ACBD6: variants seen among roughly 807,000 people sequenced by gnomAD.
ACBD6 encodes acyl-CoA-binding domain-containing protein 6.
A neutral mutation model predicts 37.2 loss-of-function variants in ACBD6; 28 were observed. That is an observed-to-expected ratio of 0.75 (90% CI 0.56 to 1.03). ACBD6 has a LOEUF of 1.03. Among genes scored for constraint, ACBD6 ranks in the 50% least tolerant of loss-of-function variants. The pLI, the probability that ACBD6 is intolerant of heterozygous loss-of-function variation, is 0.00. For synonymous variants in ACBD6, 113 were observed against 126.8 expected (o/e 0.89, Z 0.73); for missense variants, 340 against 337.4 (o/e 1.01, Z -0.06).
intron 2 of ACBD6, among the ~76,000 whole-genome samples, chr1:180,494,165 C>T (rs1204268436): frequency 6.6e-6 from 1 of 152,086 alleles, no homozygotes; most frequent in Non-Finnish European, 1.5e-5. Flanking sequence ...CAAAAATTTT[C>T]CTCAATAGTT....
At chr1:180,381,062 G>GTAGCTATACTT (rs1174546040) in intron 6 of ACBD6, among the ~76,000 whole-genome samples, 2 of 152,036 alleles carry the variant, frequency 1.3e-5, no homozygotes, top group African/African-American at 4.8e-5. Context: ...GCAAGCAGGA[G>GTAGCTATACTT]TAGCTATACT....
At chr1:180,375,491 A>C (rs1046718428) in intron 6 of ACBD6, among the ~76,000 whole-genome samples, 1 of 152,116 alleles carries the variant, frequency 6.6e-6, no homozygotes, top group African/African-American at 2.4e-5. Flanking sequence ...ATGCCTGGCT[A>C]ATTTTTTTGT....
At chr1:180,468,655 T>G (rs1650444546) in intron 3 of ACBD6, among the ~76,000 whole-genome samples, 1 of 152,196 alleles carries the variant, frequency 6.6e-6, no homozygotes, top group Non-Finnish European at 1.5e-5. Flanking sequence ...TGTCTCACCC[T>G]TCCATTATGA....
At chr1:180,480,798 A>C (rs1406005970) in intron 3 of ACBD6, among the ~76,000 whole-genome samples, 2 of 152,152 alleles carry the variant, frequency 1.3e-5, no homozygotes, top group African/African-American at 2.4e-5. Flanking sequence ...TGGGAGGCCG[A>C]GGTGGGTGGA....
chr1:180,329,098 C>A (rs1461574920), intron 6 of ACBD6, among the ~76,000 whole-genome samples: 1 of 152,140 alleles, frequency 6.6e-6, no homozygotes, highest in Non-Finnish European at 1.5e-5. Flanking sequence ...ATATGGAGAA[C>A]ATGGACAATG....
At chr1:180,381,571 A>C (rs1653648225) in intron 6 of ACBD6, among the ~76,000 whole-genome samples, 1 of 152,250 alleles carries the variant, frequency 6.6e-6, no homozygotes, top group South Asian at 2.1e-4. Flanking sequence ...GGAACTTTGG[A>C]AACTGTATAA....
At position 180,397,609 on chromosome 1, in the gene ACBD6, A is replaced by G. The variant is rs373329290; in HGVS notation, c.574-4T>C. On this transcript the variant is annotated splice_polypyrimidine_tract_variant and splice_region_variant and intron_variant, in intron 5 of 7. Transcript: ENST00000367595. The stretch of plus-strand genomic sequence containing the variant: ...CCCAGTGAAGTAGAGCCCTACCCTA[A>G]AAACACAGAAGATAAATGAATTTGT... 7 of 1,609,420 alleles carry G rather than the reference A, an allele frequency of 4.3e-6. No homozygotes were observed. The African/African-American group carries it at 9.4e-5, about 22-fold the overall frequency.
At chr1:180,485,949 A>G (rs1651247272) in intron 3 of ACBD6, among the ~76,000 whole-genome samples, 1 of 152,166 alleles carries the variant, frequency 6.6e-6, no homozygotes, top group Non-Finnish European at 1.5e-5. Context: ...GTAGCAAAAA[A>G]AAAAAAAATG....
intron 5 of ACBD6, among the ~76,000 whole-genome samples, chr1:180,406,312 T>A (rs1201264846): frequency 6.6e-6 from 1 of 152,108 alleles, no homozygotes; most frequent in Non-Finnish European, 1.5e-5. Flanking sequence ...AAGTCTGAAA[T>A]CCAAAGTGCT....
chr1:180,295,302 GCT>G (rs1649875861), intron 7 of ACBD6, among the ~76,000 whole-genome samples: 2 of 140,856 alleles, frequency 1.4e-5, no homozygotes, highest in East Asian at 4.1e-4. Context: ...GCGGAGTCTT[GCT>G]CTGTCGCCCA....
chr1:180,474,002 T>C (rs1416233589), intron 3 of ACBD6, among the ~76,000 whole-genome samples: 1 of 152,188 alleles, frequency 6.6e-6, no homozygotes, highest in Non-Finnish European at 1.5e-5. Context: ...TTATACATAA[T>C]AGGGTTAAAA....
At chr1:180,426,951 C>T (rs559114789) in intron 4 of ACBD6, among the ~76,000 whole-genome samples, 3 of 152,242 alleles carry the variant, frequency 2.0e-5, no homozygotes, top group South Asian at 4.1e-4. Context: ...CCCCTACACC[C>T]CCTCAATTAT....
At chr1:180,472,264 T>C (rs1200534400) in intron 3 of ACBD6, among the ~76,000 whole-genome samples, 1 of 152,208 alleles carries the variant, frequency 6.6e-6, no homozygotes, top group Non-Finnish European at 1.5e-5. Context: ...AGAGTTGATG[T>C]GTAACGTTTA....
intron 9 of ACBD6, chr1:180,278,790 G>GTT (rs1649197415): frequency 2.0e-5 from 3 of 150,532 alleles, no homozygotes; most frequent in Admixed American, 1.3e-4. Flanking sequence ...ATTTTGTACA[G>GTT]TTAAAGAGAA....
rs190780265 is a variant in ACBD6, at chr1:180,435,741, C to A, written c.385-5479G>T. The A allele has an allele frequency of 1.2e-5, 10 of 842,984 alleles. No individual in the cohort carries two copies. In the Admixed American group the frequency reaches 1.2e-4, roughly 10 times the overall value. 52.2% of individuals were successfully genotyped at this position (842,984 alleles called of 1,614,324 possible). A position where few individuals can be genotyped will look rare whatever the true frequency, so the allele number is the denominator to read the frequency against. On this transcript the variant is annotated intron_variant, in intron 3 of 7. Transcript: ENST00000367595. ...GCCTGGACAGCAGGAAACAGTAACACGCACTTCAGAATAGCAGCCAAGTAT... is the reference window on the plus strand; with the variant it reads ...GCCTGGACAGCAGGAAACAGTAACAAGCACTTCAGAATAGCAGCCAAGTAT...
intron 6 of ACBD6, among the ~76,000 whole-genome samples, chr1:180,377,895 C>T (rs1410775087): frequency 1.3e-5 from 2 of 151,532 alleles, no homozygotes; most frequent in East Asian, 1.9e-4. Flanking sequence ...TGCAGTGGGC[C>T]GTGATTGCTC....
chr1:180,404,140 G>A (rs549564797), intron 5 of ACBD6, among the ~76,000 whole-genome samples: 6 of 152,046 alleles, frequency 3.9e-5, no homozygotes, highest in Admixed American at 1.3e-4. Flanking sequence ...CAGTAGAAAC[G>A]GGGTTTCACC....
chr1:180,424,261 T>C (rs145918135), intron 4 of ACBD6, among the ~76,000 whole-genome samples: 235 of 152,310 alleles, frequency 1.5e-3, no homozygotes, highest in African/African-American at 5.3e-3. Context: ...CTATATTTAA[T>C]AGGGTCATCC....
At chr1:180,352,246 G>C (rs1652448406) in intron 6 of ACBD6, among the ~76,000 whole-genome samples, 1 of 152,096 alleles carries the variant, frequency 6.6e-6, no homozygotes, top group South Asian at 2.1e-4. Flanking sequence ...AATGTGAATG[G>C]ATGAATAAAT....
Sources: allele counts gnomAD v4.1 joint callset (sites outside exome capture counted in the v4.1 genomes callset), GRCh38; gene constraint gnomAD v4.1.1; transcripts MANE v1.5; gene names NCBI Gene and HGNC (gene_info 2026-07-23, HGNC 2026-07-21).